GATB: variants seen among roughly 807,000 people sequenced by gnomAD.
The protein encoded by GATB is glutamyl-tRNA amidotransferase subunit B.
GATB carries 39 observed loss-of-function variants against 62.3 expected under a neutral mutation model. The observed-to-expected ratio is 0.63, with a 90% CI of 0.48 to 0.82. The LOEUF (loss-of-function observed/expected upper bound fraction) is 0.82. GATB is among the 40% of genes least tolerant of loss of function. GATB has a pLI of 0.00. For synonymous variants in GATB, 276 were observed against 258.9 expected (o/e 1.07, Z -0.63); for missense variants, 670 against 684.0 (o/e 0.98, Z 0.23).
At position 151,709,835 on chromosome 4, in the gene GATB, C is replaced by T. The variant is rs145910831; in HGVS notation, c.764-1734G>A. Among the ~76,000 whole-genome samples, 1,460 of 152,226 alleles carry T rather than the reference C, an allele frequency of 9.6e-3. 83 individuals carry two copies. The highest frequency in any genetic ancestry group is 0.013 in the East Asian group (66 of 5,168). ...ACTCAACAGCACAGACAGCTCCTAC[C>T]GGATTATCTGGGCTCCTCTGCTTGG... On this transcript the variant is annotated intron_variant, in intron 5 of 12. Coordinates refer to ENST00000263985, the MANE Select transcript of GATB (RefSeq NM_004564.3).
chr4:151,709,841 A>T (rs1738783076), intron 5 of GATB, among the ~76,000 whole-genome samples: 1 of 152,158 alleles, frequency 6.6e-6, no homozygotes, highest in South Asian at 2.1e-4. Flanking sequence ...CTACCGGATT[A>T]TCTGGGCTCC....
Position 151,730,861 on chromosome 4 carries a change from C to T in GATB, c.328-11323G>A, listed in dbSNP as rs1739230176. Among the ~76,000 whole-genome samples, 1 of 152,164 alleles carries T rather than the reference C, an allele frequency of 6.6e-6. No individual in the cohort carries two copies. Among genetic ancestry groups the T allele is most frequent in the South Asian group, 2.1e-4 (1 of 4,824 alleles). Reference sequence around the variant, plus strand: ...AACCAACGCTGGTAATATGACAAAACAAGGCTTTTCAACACTCCCCCAAAA... The same window carrying T: ...AACCAACGCTGGTAATATGACAAAATAAGGCTTTTCAACACTCCCCCAAAA... On this transcript the variant is annotated intron_variant, in intron 2 of 12. Transcript: ENST00000263985. This position sits in a 1 kb window ranked among gnomAD's most constrained non-coding sequence, Gnocchi z 4.1.
At chr4:151,742,182 C>T (rs979143335) in intron 2 of GATB, among the ~76,000 whole-genome samples, 5 of 151,938 alleles carry the variant, frequency 3.3e-5, no homozygotes, top group South Asian at 2.1e-4. Context: ...TCTGCATCCC[C>T]GGTCCATGCC....
chr4:151,698,292 GA>G (rs1738529693), intron 9 of GATB, among the ~76,000 whole-genome samples: 1 of 151,978 alleles, frequency 6.6e-6, no homozygotes, highest in South Asian at 2.1e-4. Flanking sequence ...TAAATATTAA[GA>G]ATAATTTGGT....
chr4:151,715,890 G>A, intron 5 of GATB, 119 bp downstream of exon 5: 1 of 1,167,282 alleles, frequency 8.6e-7, no homozygotes, highest in African/African-American at 1.6e-5. Context: ...CAAAAGGCTG[G>A]GGAAAAAATG....
intron 1 of GATB, among the ~76,000 whole-genome samples, chr4:151,759,880 TA>T (rs1457933730): frequency 6.6e-6 from 1 of 152,156 alleles, no homozygotes; most frequent in East Asian, 1.9e-4. Context: ...ACTGCAAGAA[TA>T]AGTCCTTCTT....
At chr4:151,749,740 G>C (rs776757876) in intron 2 of GATB, among the ~76,000 whole-genome samples, 3 of 152,160 alleles carry the variant, frequency 2.0e-5, no homozygotes, top group Non-Finnish European at 4.4e-5. Context: ...CCTGGGAGCA[G>C]AGGGACACAT....
chr4:151,697,949 GTGTGTATATATATATATATA>G (rs1392975608), intron 9 of GATB, among the ~76,000 whole-genome samples: 6 of 96,938 alleles, frequency 6.2e-5, no homozygotes, highest in African/African-American at 2.6e-4. Context: ...GTGTGTGTGT[GTGTGTATATATATATATATA>G]TATATATATA....
intron 11 of GATB, chr4:151,673,584 A>T (rs1737927488): frequency 6.6e-6 from 1 of 152,216 alleles, no homozygotes; most frequent in Non-Finnish European, 1.5e-5. Flanking sequence ...GCCGGACCCA[A>T]ATCAGACTAG....
chr4:151,688,392 C>T (rs1438039887), intron 10 of GATB, among the ~76,000 whole-genome samples: 1 of 152,178 alleles, frequency 6.6e-6, no homozygotes, highest in Non-Finnish European at 1.5e-5. Context: ...TCTTTGTGCC[C>T]CCAGCCTCTG....
chr4:151,686,200 C>A (rs369585056), intron 10 of GATB, among the ~76,000 whole-genome samples: 55 of 152,174 alleles, frequency 3.6e-4, no homozygotes, highest in African/African-American at 1.3e-3. Context: ...GGCACTGTGA[C>A]TTTTTCCCTC....
chr4:151,703,954 G>T, intron 7 of GATB, 59 bp from the exon 8 acceptor site: 2 of 1,203,552 alleles, frequency 1.7e-6, no homozygotes, highest in Non-Finnish European at 2.4e-6. Flanking sequence ...CAGCCTATAT[G>T]TGGGGAAGGG....
intron 2 of GATB, among the ~76,000 whole-genome samples, chr4:151,739,453 G>GA (rs1177248584): frequency 6.6e-6 from 1 of 151,844 alleles, no homozygotes; most frequent in African/African-American, 2.4e-5. Context: ...AAGAGCTGAG[G>GA]AAAAAAACTC....
At chr4:151,675,980 T>C (rs1737993068) in intron 11 of GATB, 2 of 152,284 alleles carry the variant, frequency 1.3e-5, no homozygotes, top group African/African-American at 4.8e-5. Context: ...TCTCCCTGCC[T>C]GTCCTGGGTT....
intron 11 of GATB, chr4:151,677,251 T>G (rs1265228529): frequency 6.6e-6 from 1 of 152,244 alleles, no homozygotes; most frequent in Non-Finnish European, 1.5e-5. Flanking sequence ...CATTTTTCTT[T>G]TTTAAAAAAG....
chr4:151,686,647 G>GCC (rs1560843430), intron 10 of GATB, among the ~76,000 whole-genome samples: 4 of 51,232 alleles, frequency 7.8e-5, no homozygotes, highest in African/African-American at 1.1e-4. Flanking sequence ...ACCAGTCCCC[G>GCC]CCCCGCCCCC....
At chr4:151,749,211 G>A (rs187050597) in intron 2 of GATB, among the ~76,000 whole-genome samples, 1,702 of 152,244 alleles carry the variant, frequency 0.011, 15 homozygotes, top group Non-Finnish European at 0.017. Context: ...ACATGCACAC[G>A]TATGTTTATT....
At chr4:151,740,354 A>G (rs1347452057) in intron 2 of GATB, among the ~76,000 whole-genome samples, 2 of 152,242 alleles carry the variant, frequency 1.3e-5, no homozygotes, top group East Asian at 3.8e-4. Flanking sequence ...AGCCCTCTAC[A>G]CACCTAGGCT....
rs1025656338 is a variant in GATB at position 151,671,090 on chromosome 4, T to G, written c.*84A>C. 6 of 1,483,218 alleles carry G rather than the reference T, an allele frequency of 4.0e-6. No individual in the cohort carries two copies. The African/African-American group carries it at 8.3e-5, about 21-fold the overall frequency. 91.9% of individuals were successfully genotyped at this position (1,483,218 alleles called of 1,614,324 possible). A position where few individuals can be genotyped will look rare whatever the true frequency, so the allele number is the denominator to read the frequency against. ...ATTGAGAGGCAGCTCTCAGGGCACA[T>G]GGGCATCAGCTTTCACAGGATCCTG... is the stretch of plus-strand genomic sequence containing the variant. On this transcript the variant is annotated 3_prime_UTR_variant, in exon 13 of 13. Coordinates refer to ENST00000263985, the MANE Select transcript of GATB (RefSeq NM_004564.3).
Sources: gnomAD v4.1 joint callset for allele counts (sites outside exome capture counted in the v4.1 genomes callset) on GRCh38, gnomAD v4.1.1 for gene constraint, Gnocchi (gnomAD v3.1) non-coding constraint, MANE v1.5 for transcripts, NCBI Gene and HGNC (gene_info 2026-07-23, HGNC 2026-07-21) for gene names.